The following TBC1D14 variants were observed in gnomAD, a reference collection of about 807,000 sequenced individuals.
The protein encoded by TBC1D14 is TBC1 domain family, member 14.
TBC1D14 carries 26 observed loss-of-function variants against 79.0 expected under a neutral mutation model. That is an observed-to-expected ratio of 0.33 (90% CI 0.24 to 0.46). The LOEUF (loss-of-function observed/expected upper bound fraction) is 0.46. Ranked by LOEUF, TBC1D14 falls within the 20% of genes least tolerant of loss-of-function variation. TBC1D14 has a pLI of 1.00. For synonymous variants in TBC1D14, 394 were observed against 349.9 expected (o/e 1.13, Z -1.40); for missense variants, 769 against 887.6 (o/e 0.87, Z 1.70).
At chr4:6,984,545 A>G (rs984623186) in intron 3 of TBC1D14, among the ~76,000 whole-genome samples, 6 of 152,230 alleles carry the variant, frequency 3.9e-5, no homozygotes, top group Admixed American at 3.3e-4. Context: ...CACATTTTAA[A>G]TACAATTTAT....
At chr4:6,936,511 G>A (rs1001879398) in intron 2 of TBC1D14, among the ~76,000 whole-genome samples, 4 of 152,110 alleles carry the variant, frequency 2.6e-5, no homozygotes, top group South Asian at 2.1e-4. Context: ...TGTATGTACC[G>A]TAGTTTATCC....
chr4:6,957,210 G>A (rs550196360), intron 2 of TBC1D14, among the ~76,000 whole-genome samples: 67 of 152,234 alleles, frequency 4.4e-4, no homozygotes, highest in Non-Finnish European at 9.3e-4. Flanking sequence ...GCCTGGAAGG[G>A]CCTGAGTTTG....
chr4:6,909,664 C>T (rs1300406974), upstream of TBC1D14, among the ~76,000 whole-genome samples: 1 of 151,162 alleles, frequency 6.6e-6, no homozygotes, highest in Non-Finnish European at 1.5e-5. Flanking sequence ...GAGGGACAGC[C>T]GGGCGAGCGC....
Position 7,025,008 on chromosome 4 carries a change from T to G in TBC1D14, c.1762T>G (p.Phe588Val). ...TPDIYLIDWI[F>V]TLYSKSLPLD... ...ATTCCAACTTTTACCCCCTAGGATC[T>G]TTACCTTATATAGTAAATCTCTGCC... The change falls in exon 13 of 14, where the codon TTT becomes GTT. Residue 588 changes from phenylalanine to valine, a missense_variant. By Grantham distance (50) the Phe-to-Val change is conservative. Coordinates refer to ENST00000409757, the MANE Select transcript of TBC1D14 (RefSeq NM_020773.3). 3 of 1,614,066 alleles carry G rather than the reference T, an allele frequency of 1.9e-6. No individual in the cohort carries two copies. The highest frequency in any genetic ancestry group is 2.5e-6 in the Non-Finnish European group (3 of 1,179,934).
intron 2 of TBC1D14, among the ~76,000 whole-genome samples, chr4:6,953,731 A>T (rs889053375): frequency 6.6e-6 from 1 of 150,504 alleles, no homozygotes; most frequent in Non-Finnish European, 1.5e-5. Flanking sequence ...ATTTGAAGTG[A>T]GTGAGGGGGA....
At chr4:6,917,230 GT>G (rs1723477721) in intron 1 of TBC1D14, among the ~76,000 whole-genome samples, 1 of 152,206 alleles carries the variant, frequency 6.6e-6, no homozygotes, top group African/African-American at 2.4e-5. Flanking sequence ...TCAGTTGTTG[GT>G]AGTAATTAAT....
chr4:6,986,001 T>G (rs1717784993), intron 3 of TBC1D14, among the ~76,000 whole-genome samples: 1 of 152,222 alleles, frequency 6.6e-6, no homozygotes, highest in Non-Finnish European at 1.5e-5. Context: ...ATGTTCGACA[T>G]CCAAAGTTTT....
chr4:6,950,753 A>C (rs1713963483), intron 2 of TBC1D14, among the ~76,000 whole-genome samples: 1 of 152,218 alleles, frequency 6.6e-6, no homozygotes, highest in South Asian at 2.1e-4. Flanking sequence ...CATTCTTAGA[A>C]TAATCCCAAC....
chr4:6,945,749 CAAAAAAAAAAAAAAAA>C (rs71173472), intron 2 of TBC1D14, among the ~76,000 whole-genome samples: 2 of 64,134 alleles, frequency 3.1e-5, no homozygotes, highest in Non-Finnish European at 5.3e-5. Context: ...AACTGCGTCT[CAAAAAAAAAAAAAAAA>C]AAAAAAAAAA....
rs76481892 is a variant in TBC1D14 at position 7,016,910 on chromosome 4, C to T, written c.1757+2353C>T. Among the ~76,000 whole-genome samples the T allele has an allele frequency of 5.6e-3, 859 of 152,284 alleles. 9 individuals carry two copies. The highest frequency in any genetic ancestry group is 0.02 in the African/African-American group (816 of 41,554). ...TAGGGGCAAAGACAAAAGGCACCAGCGTTTTTTGACTCGAGTGCTTCTCAC... is the reference window on the plus strand; with the variant it reads ...TAGGGGCAAAGACAAAAGGCACCAGTGTTTTTTGACTCGAGTGCTTCTCAC... On this transcript the variant is annotated intron_variant, in intron 12 of 13. Coordinates refer to ENST00000409757, the MANE Select transcript of TBC1D14 (RefSeq NM_020773.3).
intron 2 of TBC1D14, among the ~76,000 whole-genome samples, chr4:6,949,263 C>T (rs910952606): frequency 6.6e-6 from 1 of 151,888 alleles, no homozygotes; most frequent in African/African-American, 2.4e-5. Context: ...GTTGTCTTGG[C>T]TAGTCTTGGT....
intron 3 of TBC1D14, among the ~76,000 whole-genome samples, chr4:6,983,991 C>T (rs1717600695): frequency 6.6e-6 from 1 of 152,154 alleles, no homozygotes; most frequent in Non-Finnish European, 1.5e-5. Context: ...TGTGTTCAGT[C>T]TTACTGCTGC....
chr4:7,008,961 G>A (rs1210287025), intron 9 of TBC1D14, among the ~76,000 whole-genome samples: 1 of 152,156 alleles, frequency 6.6e-6, no homozygotes, highest in Non-Finnish European at 1.5e-5. Context: ...CTGGATGCTG[G>A]CATTTTTACC....
Position 7,009,799 on chromosome 4 carries a change from CAGT to C in TBC1D14, c.1447-70_1447-68del, listed in dbSNP as rs555749277. 5.6e-3 allele frequency: 7,778 copies of C among 1,397,574 alleles called. 57 individuals carry two copies. The highest frequency in any genetic ancestry group is 5.8e-3 in the Non-Finnish European group (5,742 of 984,188). The allele number at this position is 1,397,574 out of a possible 1,614,324, so 86.6% of individuals were successfully genotyped here. A position where few individuals can be genotyped will look rare whatever the true frequency, so the allele number is the denominator to read the frequency against. ...AAAATAGCAGGAGTGGCAGCGGCAG[CAGT>C]AGTAGTATCAGATGTTCGTCTGAGC... On this transcript the variant is annotated intron_variant, in intron 9 of 13. Coordinates refer to ENST00000409757, the MANE Select transcript of TBC1D14 (RefSeq NM_020773.3).
At chr4:6,943,580 A>T (rs1713123131) in intron 2 of TBC1D14, among the ~76,000 whole-genome samples, 1 of 152,160 alleles carries the variant, frequency 6.6e-6, no homozygotes, top group Non-Finnish European at 1.5e-5. Context: ...TCTCCCGGGC[A>T]AATTCTTGTT....
intron 2 of TBC1D14, among the ~76,000 whole-genome samples, chr4:6,926,435 A>G (rs1263061352): frequency 2.0e-5 from 3 of 152,198 alleles, no homozygotes; most frequent in Admixed American, 1.3e-4. Flanking sequence ...TTCTAAAGCT[A>G]CCGTTTCTTG....
chr4:7,001,558 G>A (rs911536715), intron 7 of TBC1D14: 9 of 310,048 alleles, frequency 2.9e-5, no homozygotes, highest in Non-Finnish European at 4.9e-5. Context: ...CCTTGCCTGC[G>A]ACGTGAGTGT....
intron 2 of TBC1D14, among the ~76,000 whole-genome samples, chr4:6,953,578 G>C (rs1382754573): frequency 2.3e-5 from 3 of 131,930 alleles, no homozygotes; most frequent in Non-Finnish European, 4.7e-5. Context: ...CCTGCAGTGA[G>C]CCGAGATTGC....
chr4:7,023,521 G>C (rs888833644), intron 12 of TBC1D14, among the ~76,000 whole-genome samples: 1 of 152,238 alleles, frequency 6.6e-6, no homozygotes, highest in Non-Finnish European at 1.5e-5. Flanking sequence ...TTCTAGACCA[G>C]GTGGTGAAAT....
Sources: gnomAD v4.1 joint callset for allele counts (sites outside exome capture counted in the v4.1 genomes callset) on GRCh38, gnomAD v4.1.1 for gene constraint, MANE v1.5 for transcripts, NCBI Gene and HGNC (gene_info 2026-07-23, HGNC 2026-07-21) for gene names.